PDIA5: variants seen among roughly 807,000 people sequenced by gnomAD.
PDIA5 encodes protein disulfide isomerase family A member 5, also known as protein disulfide-isomerase A5.
A neutral mutation model predicts 77.6 loss-of-function variants in PDIA5; 58 were observed. The ratio of observed to expected loss-of-function variants is 0.75; its 90% CI spans 0.61 to 0.93. The LOEUF is 0.93. Ranked by LOEUF, PDIA5 falls within the 40% of genes least tolerant of loss-of-function variation. The pLI, the probability that PDIA5 is intolerant of heterozygous loss-of-function variation, is 0.00. For missense variants in PDIA5, 630 were observed against 647.7 expected (o/e 0.97, Z 0.30); for synonymous variants, 250 against 252.1 (o/e 0.99, Z 0.08).
intron 6 of PDIA5, among the ~76,000 whole-genome samples, chr3:123,108,004 C>T (rs1934776740): frequency 6.6e-6 from 1 of 151,808 alleles, no homozygotes; most frequent in South Asian, 2.1e-4. Context: ...TCACTGTTGC[C>T]CAAGCTGGTC....
chr3:123,141,506 G>A (rs905953445), intron 11 of PDIA5, among the ~76,000 whole-genome samples: 9 of 152,292 alleles, frequency 5.9e-5, no homozygotes, highest in South Asian at 2.1e-4. Context: ...TAGACTCACC[G>A]CCACAGGAGA....
At chr3:123,089,395 G>A in intron 2 of PDIA5, 101 bp downstream of exon 2, 1 of 1,175,934 alleles carries the variant, frequency 8.5e-7, no homozygotes, top group South Asian at 1.4e-5. Flanking sequence ...ACCACTTAGG[G>A]AGGGTCCAAG....
chr3:123,087,673 A>T (rs529256838), intron 1 of PDIA5, among the ~76,000 whole-genome samples: 1 of 151,716 alleles, frequency 6.6e-6, no homozygotes, highest in South Asian at 2.1e-4. Flanking sequence ...TCTACATTTC[A>T]TCTTTCCATT....
At chr3:123,118,537 T>C (rs1935044413) in intron 8 of PDIA5, among the ~76,000 whole-genome samples, 2 of 152,164 alleles carry the variant, frequency 1.3e-5, no homozygotes, top group South Asian at 2.1e-4. Context: ...CAGCCAATGC[T>C]GCATCCACTG....
intron 10 of PDIA5, among the ~76,000 whole-genome samples, chr3:123,129,291 A>G (rs1162927919): frequency 6.6e-6 from 1 of 152,218 alleles, no homozygotes; most frequent in East Asian, 1.9e-4. Flanking sequence ...TTGGATATGC[A>G]TGGACTGAGA....
chr3:123,079,175 C>A (rs1035029871), intron 1 of PDIA5, among the ~76,000 whole-genome samples: 4 of 94,060 alleles, frequency 4.3e-5, no homozygotes, highest in South Asian at 3.6e-4. Flanking sequence ...ATTTTGAATT[C>A]TTTTTTTTTT....
Position 123,150,349 on chromosome 3 carries a change from A to AG in PDIA5, c.1258_1259insG (p.Met420SerfsTer11), listed in dbSNP as rs1935862416. 2 of 1,613,716 alleles carry AG rather than the reference A, an allele frequency of 1.2e-6. No homozygotes were observed. Among genetic ancestry groups the AG allele is most frequent in the Admixed American group, 1.7e-5 (1 of 59,966 alleles). On this transcript the variant is annotated frameshift_variant, in exon 14 of 17. Coordinates refer to ENST00000316218, the MANE Select transcript of PDIA5 (RefSeq NM_006810.4). LOFTEE classifies it high-confidence loss of function. ...GAAGAAGAAGAAACACACCTTGGTC[A>AG]TGTTCTACGCCCCTTGTAAGTAGCT... is the stretch of plus-strand genomic sequence containing the variant.
chr3:123,156,872 G>A (rs1936031356), intron 15 of PDIA5, among the ~76,000 whole-genome samples: 1 of 152,218 alleles, frequency 6.6e-6, no homozygotes, highest in South Asian at 2.1e-4. Context: ...CGCCGCTGAG[G>A]CTGTCCTGTG....
chr3:123,128,556 G>C (rs1935295220), intron 10 of PDIA5, among the ~76,000 whole-genome samples: 1 of 151,964 alleles, frequency 6.6e-6, no homozygotes. Context: ...ACCCAGGCCA[G>C]AGTGCAGAGG....
chr3:123,083,402 T>C (rs992451677), intron 1 of PDIA5, among the ~76,000 whole-genome samples: 3 of 152,150 alleles, frequency 2.0e-5, no homozygotes, highest in Non-Finnish European at 2.9e-5. Flanking sequence ...GGAGATGCTT[T>C]ATGGGTCTCA....
intron 11 of PDIA5, among the ~76,000 whole-genome samples, chr3:123,137,058 G>T (rs1421001594): frequency 2.0e-5 from 3 of 152,166 alleles, no homozygotes; most frequent in African/African-American, 4.8e-5. Context: ...AAATATTTTT[G>T]ATTAATTCCT....
intron 1 of PDIA5, among the ~76,000 whole-genome samples, chr3:123,084,856 C>CTCCG (rs1934095238): frequency 6.6e-6 from 1 of 152,220 alleles, no homozygotes; most frequent in South Asian, 2.1e-4. Context: ...GGCCCTCCAC[C>CTCCG]TCCGGCCTCC....
chr3:123,067,161 T>C lies in PDIA5; in HGVS notation c.-4T>C. On this transcript the variant is annotated 5_prime_UTR_variant, in exon 1 of 17. Coordinates refer to ENST00000316218, the MANE Select transcript of PDIA5 (RefSeq NM_006810.4). The stretch of plus-strand genomic sequence containing the variant: ...AGGAGCCAGCGGTGGGCAGCGCTGC[T>C]GGGATGGCGCGGGCCGGGCCGGCGT... 8.0e-7 allele frequency: 1 copy of C among 1,246,270 alleles called. No homozygotes were observed. The highest frequency in any genetic ancestry group is 1.0e-6 in the Non-Finnish European group (1 of 990,674). 77.2% of individuals were successfully genotyped at this position (1,246,270 alleles called of 1,614,324 possible). A position where few individuals can be genotyped will look rare whatever the true frequency, so the allele number is the denominator to read the frequency against.
chr3:123,088,455 T>C (rs1346754993), intron 1 of PDIA5, among the ~76,000 whole-genome samples: 2 of 152,206 alleles, frequency 1.3e-5, no homozygotes. Flanking sequence ...TGATCTTATT[T>C]CTCTGTGTAT....
chr3:123,101,103 A>G (rs1368785827), intron 3 of PDIA5, among the ~76,000 whole-genome samples: 2 of 152,144 alleles, frequency 1.3e-5, no homozygotes, highest in African/African-American at 2.4e-5. Flanking sequence ...TCAGGTCTCT[A>G]AGGGACTGGT....
intron 10 of PDIA5, 91 bp downstream of exon 10, chr3:123,124,434 G>A (rs1316442681): frequency 1.5e-5 from 14 of 913,130 alleles, no homozygotes; most frequent in Non-Finnish European, 2.0e-5. Flanking sequence ...GCTGGAGGTT[G>A]GGGGAAAGAA....
chr3:123,076,929 A>G (rs369964220), intron 1 of PDIA5, among the ~76,000 whole-genome samples: 3 of 152,340 alleles, frequency 2.0e-5, no homozygotes, highest in East Asian at 3.9e-4. Context: ...AAGCTCTCAG[A>G]TAAGTTGCCC....
intron 1 of PDIA5, among the ~76,000 whole-genome samples, chr3:123,069,533 G>A (rs146210672): frequency 1.3e-5 from 2 of 152,116 alleles, no homozygotes; most frequent in Middle Eastern, 3.2e-3. Flanking sequence ...CAGTTCTGCA[G>A]ACCAAAAGTC....
intron 5 of PDIA5, among the ~76,000 whole-genome samples, chr3:123,103,201 C>T (rs1934646652): frequency 6.6e-6 from 1 of 152,216 alleles, no homozygotes; most frequent in Admixed American, 6.5e-5. Context: ...TGGGCTGATG[C>T]AGCTTGTTCC....
Sources: allele counts gnomAD v4.1 joint callset (sites outside exome capture counted in the v4.1 genomes callset), GRCh38; gene constraint gnomAD v4.1.1; transcripts MANE v1.5; gene names NCBI Gene and HGNC (gene_info 2026-07-23, HGNC 2026-07-21).